The following FARP2 variants were observed in gnomAD, a reference collection of about 807,000 sequenced individuals.
FARP2 encodes FERM, ARHGEF and pleckstrin domain-containing protein 2.
FARP2 carries 111 observed loss-of-function variants against 130.5 expected under a neutral mutation model. That is an observed-to-expected ratio of 0.85 (90% CI 0.73 to 1.00). FARP2 has a LOEUF of 1.00. Ranked by LOEUF, FARP2 falls within the 50% of genes least tolerant of loss-of-function variation. The probability of loss-of-function intolerance (pLI) is 0.00; values close to 1 mark genes in which losing one functional copy is unlikely to be tolerated. For missense variants in FARP2, 1,385 were observed against 1,346.3 expected, an observed-to-expected ratio of 1.03 and a Z score of -0.45; for synonymous variants, 504 against 516.9, an observed-to-expected ratio of 0.98 and a Z score of 0.34.
intron 18 of FARP2, among the ~76,000 whole-genome samples, chr2:241,470,126 G>C (rs1018276769): frequency 6.6e-6 from 1 of 152,226 alleles, no homozygotes; most frequent in African/African-American, 2.4e-5. Flanking sequence ...ATGGCCTTTG[G>C]TGTGCAAATG....
At chr2:241,399,293 A>G (rs1429981768) in intron 2 of FARP2, among the ~76,000 whole-genome samples, 1 of 152,016 alleles carries the variant, frequency 6.6e-6, no homozygotes, top group Admixed American at 6.6e-5. Context: ...GTTGACTACA[A>G]GACCTTTGTT....
chr2:241,451,142 T>C (rs2063647361), intron 13 of FARP2, among the ~76,000 whole-genome samples: 1 of 152,068 alleles, frequency 6.6e-6, no homozygotes, highest in Non-Finnish European at 1.5e-5. Context: ...ATTTTATTAA[T>C]TTTTTTGTTT....
intron 2 of FARP2, among the ~76,000 whole-genome samples, chr2:241,382,375 C>T (rs2061683924): frequency 1.3e-5 from 2 of 150,742 alleles, no homozygotes; most frequent in Non-Finnish European, 2.9e-5. Context: ...CCTCCGCCTC[C>T]TGGGCTCAAG....
In FARP2 at chr2:241,489,979, C is replaced by T. The variant is rs766056531; in HGVS notation, c.2439C>T (p.Asn813=). ...LQGMLVEESD[N]EWSVPHCFTI... is the part of the protein sequence containing the mutation. ...ACCCACAGGTGGAAGAAAGTGATAA[C>T]GAGTGGTCTGTTCCACACTGTTTCA... Residue 813 remains asparagine, a synonymous_variant, in exon 22 of 27, where the codon AAC becomes AAT. Transcript: ENST00000264042. The T allele has an allele frequency of 8.1e-6, 13 of 1,613,140 alleles. No individual in the cohort carries two copies. The highest frequency in any genetic ancestry group is 5.0e-5 in the Admixed American group (3 of 59,982).
intron 4 of FARP2, among the ~76,000 whole-genome samples, chr2:241,407,086 GCGTGAGCCA>G (rs1392616434): frequency 1.3e-5 from 2 of 152,174 alleles, no homozygotes; most frequent in Non-Finnish European, 2.9e-5. Flanking sequence ...GGGATTACAG[GCGTGAGCCA>G]CCGCGCCCAG....
At chr2:241,453,769 G>GTTTTTTTTTT (rs1180224982) in intron 13 of FARP2, among the ~76,000 whole-genome samples, 4 of 54,052 alleles carry the variant, frequency 7.4e-5, no homozygotes, top group East Asian at 6.5e-4. Context: ...GCACTTACTG[G>GTTTTTTTTTT]TTTTTTTTTT....
At chr2:241,463,252 C>T in intron 15 of FARP2, 83 bp from the exon 16 acceptor site, 1 of 1,498,880 alleles carries the variant, frequency 6.7e-7, no homozygotes, top group Non-Finnish European at 9.1e-7. Flanking sequence ...ACTGGGTGAC[C>T]TATGGCTACA....
In FARP2 at chr2:241,406,109, C is replaced by G. The variant is rs2062334293; in HGVS notation, c.331+1268C>G. Among the ~76,000 whole-genome samples, 3 of 152,014 alleles carry G rather than the reference C, an allele frequency of 2.0e-5. 1 individual carries two copies. Among genetic ancestry groups the G allele is most frequent in the Non-Finnish European group, 2.9e-5 (2 of 68,032 alleles). ...ACAAGGTCAGGAGATCGAGACCATC[C>G]TGGCTAACATGGTGAAACTCCGCCT... On this transcript the variant is annotated intron_variant, in intron 4 of 26. Transcript: ENST00000264042.
intron 18 of FARP2, among the ~76,000 whole-genome samples, chr2:241,471,912 G>GACCCTGTTCTGAGGGA (rs2064324169): frequency 4.6e-5 from 7 of 152,070 alleles, no homozygotes; most frequent in African/African-American, 9.7e-5. Flanking sequence ...GTTCTGTGGG[G>GACCCTGTTCTGAGGGA]ACCCTGTTCT....
rs376886611 is a variant in FARP2 at position 241,436,497 on chromosome 2, C to G, written c.1117C>G (p.His373Asp). 6.2e-6 allele frequency: 10 copies of G among 1,614,082 alleles called. No homozygotes were observed. The African/African-American group carries it at 1.3e-4, about 22-fold the overall frequency. The change falls in exon 12 of 27, where the codon CAC becomes GAC. Residue 373 changes from histidine (H) to aspartate (D), a missense_variant. Coordinates refer to ENST00000264042, the MANE Select transcript of FARP2 (RefSeq NM_014808.4). ...GTTTTGCAGAAGGCACAGCAAGACC[C>G]ACACGTCCGTTCGAGCTCTGACTGC... The part of the protein sequence containing the change: ...IPYERRHSKT[H>D]TSVRALTADL...
At chr2:241,412,299 C>A (rs1405419139) in intron 6 of FARP2, among the ~76,000 whole-genome samples, 10 of 152,132 alleles carry the variant, frequency 6.6e-5, no homozygotes, top group Non-Finnish European at 1.2e-4. Context: ...AGTTACCTCC[C>A]ACTGGGTCCC....
chr2:241,478,404 G>A (rs1017803380), intron 19 of FARP2: 18 of 235,346 alleles, frequency 7.6e-5, no homozygotes, highest in African/African-American at 3.2e-4. Flanking sequence ...TCAGAGTGCC[G>A]TGGCCCAGCA....
At chr2:241,453,768 GGTTTT>G (rs1307334274) in intron 13 of FARP2, among the ~76,000 whole-genome samples, 2,809 of 99,792 alleles carry the variant, frequency 0.028, 597 homozygotes, top group African/African-American at 0.095. Context: ...GGCACTTACT[GGTTTT>G]TTTTTTTTTT....
intron 17 of FARP2, chr2:241,466,669 C>A: frequency 1.1e-6 from 1 of 915,990 alleles, no homozygotes; most frequent in Non-Finnish European, 1.3e-6. Context: ...GCCAGCCCCG[C>A]CTTCACTCCC....
chr2:241,470,706 T>G (rs1423561755), intron 18 of FARP2, among the ~76,000 whole-genome samples: 1 of 150,288 alleles, frequency 6.7e-6, no homozygotes, highest in Non-Finnish European at 1.5e-5. Flanking sequence ...GGATGCACTC[T>G]GAGGGGATCT....
rs540871165 is a variant in FARP2 at position 241,464,028 on chromosome 2, C to G, written c.1893+48C>G. The stretch of plus-strand genomic sequence containing the variant: ...CCTACATGAATGCTGTTTATGGGAG[C>G]AAAACCATCTTCCCGAAGCTGAGGC... On this transcript the variant is annotated intron_variant, in intron 17 of 26. Coordinates refer to ENST00000264042, the MANE Select transcript of FARP2 (RefSeq NM_014808.4). 24 of 1,500,174 alleles carry G rather than the reference C, an allele frequency of 1.6e-5. No homozygotes were observed. In the East Asian group the frequency reaches 5.4e-4, roughly 34 times the overall value. The allele number at this position is 1,500,174 out of a possible 1,614,324, so 92.9% of individuals were successfully genotyped here.
intron 13 of FARP2, chr2:241,444,685 T>C (rs538866049): frequency 2.7e-4 from 41 of 152,312 alleles, no homozygotes; most frequent in African/African-American, 9.6e-4. Flanking sequence ...TCTAAATAAA[T>C]TTTGTTCTTG....
intron 19 of FARP2, chr2:241,478,611 G>T (rs561460975): frequency 2.0e-6 from 1 of 509,846 alleles, no homozygotes; most frequent in Admixed American, 2.1e-5. Flanking sequence ...TACCTGAGAC[G>T]TGGCAAGCTG....
At chr2:241,487,932 T>C (rs1022329721) in intron 21 of FARP2, among the ~76,000 whole-genome samples, 2 of 151,706 alleles carry the variant, frequency 1.3e-5, no homozygotes, top group Non-Finnish European at 2.9e-5. Flanking sequence ...TATTTTTTAG[T>C]AGAGACGGGG....
Sources: gnomAD v4.1 joint callset for allele counts (sites outside exome capture counted in the v4.1 genomes callset) on GRCh38, gnomAD v4.1.1 for gene constraint, MANE v1.5 for transcripts, NCBI Gene and HGNC (gene_info 2026-07-23, HGNC 2026-07-21) for gene names.